SAMD5: variants seen among roughly 807,000 people sequenced by gnomAD.
SAMD5 encodes the protein sterile alpha motif domain containing 5, also known as sterile alpha motif domain-containing protein 5.
Under a neutral mutation model 11.3 loss-of-function variants are expected in SAMD5, and 13 were observed. The ratio of observed to expected loss-of-function variants is 1.15; its 90% CI spans 0.75 to 1.83. SAMD5 has a LOEUF of 1.83. Ranked by LOEUF, SAMD5 falls within the 40% of genes most tolerant of loss-of-function variation. The probability of loss-of-function intolerance (pLI) is 0.00; values close to 1 mark genes in which losing one functional copy is unlikely to be tolerated. For synonymous variants in SAMD5, 129 were observed against 111.3 expected, an observed-to-expected ratio of 1.16 and a Z score of -1.00; for missense variants, 255 against 239.1, an observed-to-expected ratio of 1.07 and a Z score of -0.44.
chr6:147,923,001 A>G, the SAMD5 span, among the ~76,000 whole-genome samples: 1 of 151,918 alleles, frequency 6.6e-6, no homozygotes, highest in Non-Finnish European at 1.5e-5. Flanking sequence ...TTAGTCTGCC[A>G]CTGCCGCGAA....
At chr6:147,574,335 A>C (rs536338869), downstream of SAMD5, among the ~76,000 whole-genome samples, 1 of 152,196 alleles carries the variant, frequency 6.6e-6, no homozygotes, top group Non-Finnish European at 1.5e-5. Flanking sequence ...TAATTTACCC[A>C]ATGTAACACA....
chr6:147,701,555 A>G lies in SAMD5; in HGVS notation c.163-35762A>G, dbSNP rs539447682. ...AGGCTGAGGCGTGAGAATCACTTGTACCTGGGAGGTGGAGGTTGCAGTGAG... is the reference window on the plus strand; with the variant it reads ...AGGCTGAGGCGTGAGAATCACTTGTGCCTGGGAGGTGGAGGTTGCAGTGAG... On this transcript the variant is annotated intron_variant, in intron 1 of 1. Transcript: ENST00000566741. Among the ~76,000 whole-genome samples, 286 of 151,796 alleles carry G rather than the reference A, an allele frequency of 1.9e-3. 2 individuals carry two copies. Among genetic ancestry groups the G allele is most frequent in the African/African-American group, 6.6e-3 (274 of 41,410 alleles).
At chr6:147,837,780 G>A in the SAMD5 span, among the ~76,000 whole-genome samples, 1 of 152,158 alleles carries the variant, frequency 6.6e-6, no homozygotes, top group African/African-American at 2.4e-5. Context: ...CAAAACCTTG[G>A]AGTAGGGTTT....
At chr6:147,579,973 T>C (rs1182408849) in intron 1 of SAMD5, among the ~76,000 whole-genome samples, 6 of 152,226 alleles carry the variant, frequency 3.9e-5, no homozygotes, top group East Asian at 1.9e-4. Flanking sequence ...TAGAGAAATA[T>C]AGTGTGGGCA....
At chr6:147,741,732 G>T (rs1447765333), downstream of SAMD5, 3 of 152,146 alleles carry the variant, frequency 2.0e-5, no homozygotes, top group African/African-American at 7.2e-5. Flanking sequence ...GGAAAAACAG[G>T]TTGAGTGTGG....
intron 1 of SAMD5, among the ~76,000 whole-genome samples, chr6:147,615,132 G>A (rs1005583121): frequency 1.3e-5 from 2 of 151,884 alleles, no homozygotes; most frequent in Non-Finnish European, 2.9e-5. Flanking sequence ...TTATATAAGG[G>A]ACTTGAGCAT....
chr6:147,673,134 A>G (rs1008201352), intron 1 of SAMD5, among the ~76,000 whole-genome samples: 4 of 152,318 alleles, frequency 2.6e-5, no homozygotes, highest in Admixed American at 1.3e-4. Context: ...TTACAGAAAT[A>G]CCTTGAATGC....
At chr6:147,726,530 A>C (rs999791369) in intron 1 of SAMD5, among the ~76,000 whole-genome samples, 6 of 152,176 alleles carry the variant, frequency 3.9e-5, no homozygotes, top group Non-Finnish European at 8.8e-5. Flanking sequence ...GCCCAGGCCC[A>C]GGCCCAGGTC....
intron 1 of SAMD5, among the ~76,000 whole-genome samples, chr6:147,531,798 C>T (rs1474005951): frequency 2.0e-5 from 3 of 151,962 alleles, no homozygotes; most frequent in Admixed American, 6.6e-5. Flanking sequence ...CTTATATTTT[C>T]GGTCTAGAAA....
intron 1 of SAMD5, among the ~76,000 whole-genome samples, chr6:147,538,466 G>A (rs1788548847): frequency 6.6e-6 from 1 of 152,112 alleles, no homozygotes; most frequent in Non-Finnish European, 1.5e-5. Flanking sequence ...TTCTCCAGTT[G>A]TCTTAATTGT....
chr6:147,764,981 A>G, the SAMD5 span, among the ~76,000 whole-genome samples: 1 of 151,740 alleles, frequency 6.6e-6, no homozygotes, highest in South Asian at 2.1e-4. Context: ...TTTATAATCT[A>G]TAGATCTCTG....
At chr6:147,712,399 C>T (rs187609069) in intron 1 of SAMD5, among the ~76,000 whole-genome samples, 136 of 152,266 alleles carry the variant, frequency 8.9e-4, no homozygotes, top group African/African-American at 3.2e-3. Flanking sequence ...TCCAGTTTTC[C>T]TCATTTTACA....
chr6:147,729,927 A>G, intron 1 of SAMD5: 1 of 429,650 alleles, frequency 2.3e-6, no homozygotes. Context: ...TCTACTAAAA[A>G]TACAGAAATT....
At chr6:147,865,925 T>C in the SAMD5 span, among the ~76,000 whole-genome samples, 1 of 152,174 alleles carries the variant, frequency 6.6e-6, no homozygotes, top group Non-Finnish European at 1.5e-5. Context: ...CATATTTGAA[T>C]AGTAAGCACA....
the SAMD5 span, among the ~76,000 whole-genome samples, chr6:147,756,022 C>G: frequency 6.6e-6 from 1 of 151,852 alleles, no homozygotes; most frequent in Non-Finnish European, 1.5e-5. Context: ...TTAGTATTCT[C>G]AAAGGAGGAT....
the SAMD5 span, among the ~76,000 whole-genome samples, chr6:147,774,105 G>C: frequency 6.6e-6 from 1 of 152,274 alleles, no homozygotes; most frequent in African/African-American, 2.4e-5. Flanking sequence ...GCCTCCCAAA[G>C]TGCTGAGATT....
chr6:147,760,102 G>A, the SAMD5 span, among the ~76,000 whole-genome samples: 1 of 152,134 alleles, frequency 6.6e-6, no homozygotes, highest in Admixed American at 6.5e-5. Flanking sequence ...AAAGGATCTA[G>A]TGTGGAACTA....
chr6:147,672,647 GC>G (rs1473197778), intron 1 of SAMD5, among the ~76,000 whole-genome samples: 1 of 151,366 alleles, frequency 6.6e-6, no homozygotes, highest in Non-Finnish European at 1.5e-5. Flanking sequence ...CCTTATAATA[GC>G]CCCCCACCCT....
chr6:147,533,553 T>C lies in SAMD5; in HGVS notation c.459+24166T>C, dbSNP rs547815526. On this transcript the variant is annotated intron_variant, in intron 1 of 1. Coordinates refer to ENST00000367474, the MANE Select transcript of SAMD5 (RefSeq NM_001030060.3). Reference sequence around the variant, plus strand: ...GTAGAGGACAGGATTTGCAAGAGCATCAGTGGTGGCAGAAGACAGCGAGGA... The same window carrying C: ...GTAGAGGACAGGATTTGCAAGAGCACCAGTGGTGGCAGAAGACAGCGAGGA... 1.7e-4 allele frequency among the ~76,000 whole-genome samples: 25 copies of C among 150,982 alleles called. 2 individuals are homozygous for C. In the East Asian group the frequency reaches 2.2e-3, roughly 13 times the overall value.
Sources: gnomAD v4.1 joint callset for allele counts (sites outside exome capture counted in the v4.1 genomes callset) on GRCh38, gnomAD v4.1.1 for gene constraint, MANE v1.5 for transcripts, NCBI Gene and HGNC (gene_info 2026-07-23, HGNC 2026-07-21) for gene names.